MYH9: variants seen among roughly 807,000 people sequenced by gnomAD.
MYH9 encodes the protein myosin heavy chain 9.
In MYH9, 29 loss-of-function variants were observed where a neutral mutation model predicts 241.9. The observed-to-expected ratio is 0.12, with a 90% confidence interval of 0.09 to 0.16. The LOEUF is 0.16. Among genes scored for constraint, MYH9 ranks in the 10% least tolerant of loss-of-function variants. MYH9 has a pLI of 1.00. For synonymous variants in MYH9, 1,047 were observed against 1,062.6 expected (o/e 0.99, Z 0.29); for missense variants, 1,803 against 2,595.5 (o/e 0.69, Z 6.63).
chr22:36,350,618 T>C (rs1556642868), intron 1 of MYH9, among the ~76,000 whole-genome samples: 1 of 152,260 alleles, frequency 6.6e-6, no homozygotes, highest in Non-Finnish European at 1.5e-5. Context: ...CATATTTCGC[T>C]ATCTCGAAAG....
At chr22:36,367,728 C>T (rs887956616) in intron 1 of MYH9, among the ~76,000 whole-genome samples, 3 of 152,294 alleles carry the variant, frequency 2.0e-5, no homozygotes, top group Admixed American at 2.0e-4. Flanking sequence ...TTGCCCAGGC[C>T]ACAGTCTGGT....
chr22:36,332,659 ATT>A (rs2017440919), intron 3 of MYH9, among the ~76,000 whole-genome samples: 1 of 104,088 alleles, frequency 9.6e-6, no homozygotes, highest in African/African-American at 3.0e-5. Context: ...ACTCTGGATA[ATT>A]AAAAAAAAAA....
Position 36,295,793 on chromosome 22 carries a change from G to C in MYH9, c.3273-76C>G, listed in dbSNP as rs2016779219. On this transcript the variant is annotated intron_variant, in intron 25 of 40. Transcript: ENST00000216181. This position sits in a 1 kb window ranked among gnomAD's most constrained non-coding sequence, Gnocchi z 4.1. The stretch of plus-strand genomic sequence containing the variant: ...AGCAGAGTTTGCAGGACAGGCCTGA[G>C]AGAGCTGCAGCAGCCAAAGCTGCCT... The C allele has an allele frequency of 7.2e-7, 1 of 1,389,844 alleles. No individual in the cohort carries two copies. The highest frequency in any genetic ancestry group is 1.0e-6 in the Non-Finnish European group (1 of 1,004,342). The allele number at this position is 1,389,844 out of a possible 1,614,324, so 86.1% of individuals were successfully genotyped here. A position where few individuals can be genotyped will look rare whatever the true frequency, so the allele number is the denominator to read the frequency against.
At chr22:36,336,185 A>C (rs2017495286) in intron 3 of MYH9, among the ~76,000 whole-genome samples, 1 of 152,214 alleles carries the variant, frequency 6.6e-6, no homozygotes, top group Non-Finnish European at 1.5e-5. Context: ...ACTGAAAGTG[A>C]ACCAAACCTG....
intron 18 of MYH9, among the ~76,000 whole-genome samples, chr22:36,304,513 A>C (rs1339939164): frequency 6.6e-6 from 1 of 152,210 alleles, no homozygotes; most frequent in Non-Finnish European, 1.5e-5. Flanking sequence ...TGGGAAGGGG[A>C]AAAAAGGAGC....
Position 36,295,748 on chromosome 22 carries a change from GGA to G in MYH9, c.3273-33_3273-32del, listed in dbSNP as rs1257598657. On this transcript the variant is annotated intron_variant, in intron 25 of 40. Transcript: ENST00000216181. This position sits in a 1 kb window ranked among gnomAD's most constrained non-coding sequence, Gnocchi z 4.1. ...AAAGCGACCAGCAACATCAGTATAA[GGA>G]GAGTTTCACCTCCAAGGAGCAGAGT... is the stretch of plus-strand genomic sequence containing the variant. The G allele has an allele frequency of 6.3e-7, 1 of 1,595,796 alleles. No individual in the cohort carries two copies. Among genetic ancestry groups the G allele is most frequent in the African/African-American group, 1.3e-5 (1 of 74,686 alleles).
chr22:36,294,850 G>C, intron 27 of MYH9, 82 bp downstream of exon 27: 1 of 1,581,088 alleles, frequency 6.3e-7, no homozygotes, highest in Non-Finnish European at 8.6e-7. Flanking sequence ...CCCTGCAACT[G>C]CTCTGCAGGA....
chr22:36,361,057 C>G (rs2017929206), intron 1 of MYH9, among the ~76,000 whole-genome samples: 1 of 152,214 alleles, frequency 6.6e-6, no homozygotes, highest in South Asian at 2.1e-4. Context: ...GGCTAATAAC[C>G]TACAGCAGCC....
At chr22:36,367,872 G>C (rs1169345613) in intron 1 of MYH9, among the ~76,000 whole-genome samples, 1 of 152,152 alleles carries the variant, frequency 6.6e-6, no homozygotes, top group Non-Finnish European at 1.5e-5. Context: ...CCCCTCCCCA[G>C]TCCAAGATGG....
chr22:36,346,231 C>A (rs2017676708), intron 2 of MYH9, among the ~76,000 whole-genome samples: 2 of 151,892 alleles, frequency 1.3e-5, no homozygotes, highest in Admixed American at 6.6e-5. Context: ...TTTGATGAGC[C>A]AGGTTCATCC....
In MYH9 at chr22:36,293,616, T is replaced by A; in HGVS notation, c.3943-135A>T. The A allele has an allele frequency of 7.1e-7, 1 of 1,400,960 alleles. No individual in the cohort carries two copies. Among genetic ancestry groups the A allele is most frequent in the Non-Finnish European group, 1.0e-6 (1 of 1,002,536 alleles). 86.8% of individuals were successfully genotyped at this position (1,400,960 alleles called of 1,614,324 possible). On this transcript the variant is annotated intron_variant, in intron 29 of 40. Coordinates refer to ENST00000216181, the MANE Select transcript of MYH9 (RefSeq NM_002473.6). The surrounding 1 kb of genome is among the most constrained non-coding windows in gnomAD (Gnocchi z 5.1). Reference sequence around the variant, plus strand: ...GGCCACGTAAAGACCTGGAGGGAGCTGGGAGGACGCAGAGACCCACCCACA... The same window carrying A: ...GGCCACGTAAAGACCTGGAGGGAGCAGGGAGGACGCAGAGACCCACCCACA...
rs2017354410 is a variant in MYH9, at chr22:36,327,486, G to A, written c.493C>T (p.Arg165Ter). ...DTAYRSMMQD[R>*]EDQSILCTGE... ...GTGCACAAGATGGATTGATCTTCTC[G>A]GTCTGAAACAAAGAAGACATCAGAT... Residue 165 changes from arginine (R) to a stop codon, truncating the protein, a stop_gained and splice_region_variant, in exon 4 of 41, where the codon CGA becomes TGA. Transcript: ENST00000216181. LOFTEE classifies it high-confidence loss of function. 1 of 1,613,810 alleles carries A rather than the reference G, an allele frequency of 6.2e-7. No homozygotes were observed. The highest frequency in any genetic ancestry group is 1.7e-5 in the Admixed American group (1 of 59,972).
chr22:36,290,321 CAG>C (rs1308021328), intron 31 of MYH9, among the ~76,000 whole-genome samples: 4 of 110,336 alleles, frequency 3.6e-5, no homozygotes, highest in Non-Finnish European at 6.7e-5. Context: ...GCCTGGGCAA[CAG>C]ACAGAGACAG....
chr22:36,336,290 A>G (rs2017497743), intron 3 of MYH9, among the ~76,000 whole-genome samples: 1 of 152,234 alleles, frequency 6.6e-6, no homozygotes, highest in Admixed American at 6.5e-5. Flanking sequence ...GTTCTCCTGT[A>G]GAGACATACA....
rs368980404 is a variant in MYH9 at position 36,298,906 on chromosome 22, G to T, written c.3100+13C>A. On this transcript the variant is annotated intron_variant, in intron 24 of 40. Coordinates refer to ENST00000216181, the MANE Select transcript of MYH9 (RefSeq NM_002473.6). ...AGCCCCTGCCCATCACCTCCTGCTCGTCACCCCCTCACCTTCCAAGTCAGT... is the reference window on the plus strand; with the variant it reads ...AGCCCCTGCCCATCACCTCCTGCTCTTCACCCCCTCACCTTCCAAGTCAGT... 16 of 1,613,184 alleles carry T rather than the reference G, an allele frequency of 9.9e-6. No homozygotes were observed. The East Asian group carries it at 2.0e-4, about 20-fold the overall frequency.
chr22:36,291,302 T>G lies in MYH9; in HGVS notation c.4344+684A>C, dbSNP rs191957798. Among the ~76,000 whole-genome samples the G allele has an allele frequency of 2.6e-3, 389 of 152,334 alleles. 1 individual carries two copies. The highest frequency in any genetic ancestry group is 8.9e-3 in the African/African-American group (371 of 41,566). On this transcript the variant is annotated intron_variant, in intron 31 of 40. Transcript: ENST00000216181. ...TGCCGTGTCTGTGTAGAAAGAAGTA[T>G]ACATGGGAGACTTTTCATTTTGTTG...
intron 5 of MYH9, among the ~76,000 whole-genome samples, chr22:36,325,994 T>C (rs553821298): frequency 2.6e-5 from 4 of 152,306 alleles, no homozygotes; most frequent in South Asian, 2.1e-4. Context: ...GCATTCCCAG[T>C]GCAGAACGTG....
intron 1 of MYH9, among the ~76,000 whole-genome samples, chr22:36,377,606 G>A (rs779218332): frequency 3.3e-5 from 5 of 152,086 alleles, no homozygotes; most frequent in Admixed American, 6.6e-5. Flanking sequence ...GGATAAATAC[G>A]AAATCTCTAA....
Position 36,312,358 on chromosome 22 carries a change from A to G in MYH9, c.1555-136T>C, listed in dbSNP as rs182661153. ...GCGACACACTCCCCAGGAGAAGCAA[A>G]GCACTGTTGAAGATTTCTAGCTTCT... On this transcript the variant is annotated intron_variant, in intron 13 of 40. Transcript: ENST00000216181. 2,338 of 855,060 alleles carry G rather than the reference A, an allele frequency of 2.7e-3. 72 individuals are homozygous for G. The East Asian group carries it at 0.058, about 21-fold the overall frequency. 53.0% of individuals were successfully genotyped at this position (855,060 alleles called of 1,614,324 possible).
Sources: allele counts gnomAD v4.1 joint callset (sites outside exome capture counted in the v4.1 genomes callset), GRCh38; gene constraint gnomAD v4.1.1; non-coding constraint Gnocchi (gnomAD v3.1); transcripts MANE v1.5; gene names NCBI Gene and HGNC (gene_info 2026-07-23, HGNC 2026-07-21).